PRKCQ: variants seen among roughly 807,000 people sequenced by gnomAD.
PRKCQ encodes protein kinase C theta type.
PRKCQ carries 41 observed loss-of-function variants against 91.2 expected under a neutral mutation model. The observed-to-expected ratio is 0.45, with a 90% CI of 0.35 to 0.58. The LOEUF is 0.58. PRKCQ is among the 20% of genes least tolerant of loss of function. PRKCQ has a pLI of 0.00. For synonymous variants in PRKCQ, 307 were observed against 316.9 expected (o/e 0.97, Z 0.33); for missense variants, 673 against 896.5 (o/e 0.75, Z 3.18).
chr10:6,532,882 C>G (rs1246987652), intron 1 of PRKCQ, among the ~76,000 whole-genome samples: 1 of 152,172 alleles, frequency 6.6e-6, no homozygotes, highest in Non-Finnish European at 1.5e-5. Context: ...AAGCACTATT[C>G]TGTGGATCCT....
chr10:6,472,060 G>A (rs569190015), intron 12 of PRKCQ, among the ~76,000 whole-genome samples: 1 of 152,306 alleles, frequency 6.6e-6, no homozygotes, highest in Non-Finnish European at 1.5e-5. Context: ...CGTAATCCTA[G>A]CACTCTGGGA....
chr10:6,573,619 A>G (rs1459360788), intron 1 of PRKCQ, among the ~76,000 whole-genome samples: 1 of 152,214 alleles, frequency 6.6e-6, no homozygotes, highest in Non-Finnish European at 1.5e-5. Context: ...GATTTTTCCA[A>G]TAGATTGTAC....
intron 16 of PRKCQ, among the ~76,000 whole-genome samples, chr10:6,440,837 A>C (rs1833933064): frequency 6.6e-6 from 1 of 152,018 alleles, no homozygotes; most frequent in Admixed American, 6.6e-5. Flanking sequence ...AAAAATACAA[A>C]AATTTAGGTG....
intron 12 of PRKCQ, 84 bp from the exon 13 acceptor site, chr10:6,464,488 CT>C: frequency 8.1e-7 from 1 of 1,227,992 alleles, no homozygotes; most frequent in South Asian, 1.3e-5. Context: ...CTCACTCTGT[CT>C]CCCAGGCTGG....
At chr10:6,580,321 G>T (rs1209357098), upstream of PRKCQ, 1 of 146,616 alleles carries the variant, frequency 6.8e-6, no homozygotes, top group African/African-American at 2.5e-5. Context: ...GGCTGGCGGG[G>T]CTGGCGGGCC....
intron 15 of PRKCQ, among the ~76,000 whole-genome samples, chr10:6,455,570 A>T (rs1002477498): frequency 2.0e-5 from 3 of 152,204 alleles, no homozygotes; most frequent in Non-Finnish European, 4.4e-5. Context: ...ACCATCTCCA[A>T]TCACACGTTT....
At chr10:6,396,824 A>G in the PRKCQ span, among the ~76,000 whole-genome samples, 1 of 152,260 alleles carries the variant, frequency 6.6e-6, no homozygotes, top group Non-Finnish European at 1.5e-5. Context: ...CTGCTAGGTC[A>G]TATGGTAACC....
downstream of PRKCQ, among the ~76,000 whole-genome samples, chr10:6,422,491 C>A (rs541759060): frequency 6.6e-5 from 10 of 152,224 alleles, no homozygotes; most frequent in African/African-American, 2.4e-4. Context: ...ATCAAACAGG[C>A]TTGGGATCTA....
intron 7 of PRKCQ, among the ~76,000 whole-genome samples, chr10:6,493,663 A>C (rs1206474957): frequency 1.3e-5 from 2 of 152,212 alleles, no homozygotes; most frequent in African/African-American, 4.8e-5. Context: ...TTTTTTCTAG[A>C]AAAGCTGAAG....
intron 7 of PRKCQ, 147 bp downstream of exon 7, chr10:6,496,888 T>C (rs1295987415): frequency 1.3e-6 from 1 of 757,972 alleles, no homozygotes; most frequent in African/African-American, 1.7e-5. Context: ...GAATCATTAT[T>C]GAAGAGGAAA....
At chr10:6,401,629 C>G in the PRKCQ span, among the ~76,000 whole-genome samples, 1 of 152,024 alleles carries the variant, frequency 6.6e-6, no homozygotes, top group Non-Finnish European at 1.5e-5. Context: ...GCGCCAGCCA[C>G]TTGGTGAGGA....
At position 6,517,943 on chromosome 10, in the gene PRKCQ, T is replaced by A. The variant is rs368668744; in HGVS notation, c.-9-2799A>T. On this transcript the variant is annotated intron_variant, in intron 1 of 17. Transcript: ENST00000263125. ...AATTGTGGAAAAATGTTTAGCCAGG[T>A]GAGCAATTTAAGACATGCAGAATAA... Among the ~76,000 whole-genome samples the A allele has an allele frequency of 1.5e-3, 234 of 152,322 alleles. 1 individual carries two copies. Among genetic ancestry groups the A allele is most frequent in the African/African-American group, 5.4e-3 (223 of 41,582 alleles).
chr10:6,472,917 T>TG (rs1836069241), intron 12 of PRKCQ, among the ~76,000 whole-genome samples: 1 of 152,226 alleles, frequency 6.6e-6, no homozygotes, highest in Non-Finnish European at 1.5e-5. Context: ...TTCGCCATGT[T>TG]GGCCAGGCTG....
intron 11 of PRKCQ, among the ~76,000 whole-genome samples, chr10:6,481,941 C>A (rs541553344): frequency 6.6e-6 from 1 of 152,244 alleles, no homozygotes; most frequent in Admixed American, 6.5e-5. Flanking sequence ...TCTGCAGTCA[C>A]CGGTAGTTGG....
At chr10:6,573,553 C>T (rs527876384) in intron 1 of PRKCQ, among the ~76,000 whole-genome samples, 80 of 152,164 alleles carry the variant, frequency 5.3e-4, no homozygotes, top group Non-Finnish European at 7.6e-4. Context: ...AGCAAACGGC[C>T]GATAGTGACA....
intron 12 of PRKCQ, among the ~76,000 whole-genome samples, chr10:6,478,107 C>T (rs995842094): frequency 1.3e-5 from 2 of 152,050 alleles, no homozygotes; most frequent in Admixed American, 1.3e-4. Flanking sequence ...TAAATCAGAA[C>T]AAAAAATTAG....
chr10:6,520,300 C>A (rs1838951894), intron 1 of PRKCQ, among the ~76,000 whole-genome samples: 1 of 152,156 alleles, frequency 6.6e-6, no homozygotes, highest in South Asian at 2.1e-4. Flanking sequence ...GCTGCTTCAA[C>A]TTTACCCTTC....
intron 1 of PRKCQ, among the ~76,000 whole-genome samples, chr10:6,556,375 T>C (rs1840413936): frequency 7.1e-6 from 1 of 140,528 alleles, no homozygotes; most frequent in Non-Finnish European, 1.5e-5. Context: ...GAGGCTACAG[T>C]GAGCTGTAAT....
At chr10:6,507,110 T>C (rs1257360220) in intron 4 of PRKCQ, among the ~76,000 whole-genome samples, 2 of 152,250 alleles carry the variant, frequency 1.3e-5, no homozygotes, top group Non-Finnish European at 2.9e-5. Context: ...ATAGACAATG[T>C]GTACACACAT....
Sources: allele counts gnomAD v4.1 joint callset (sites outside exome capture counted in the v4.1 genomes callset), GRCh38; gene constraint gnomAD v4.1.1; transcripts MANE v1.5; gene names NCBI Gene and HGNC (gene_info 2026-07-23, HGNC 2026-07-21).